Variants in SUPT3H observed in about 807,000 individuals in gnomAD.
SUPT3H encodes transcription initiation protein SPT3 homolog.
In SUPT3H, 44 loss-of-function variants were observed where a neutral mutation model predicts 44.3. That is an observed-to-expected ratio of 0.99 (90% CI 0.78 to 1.28). The LOEUF (loss-of-function observed/expected upper bound fraction) is 1.28, where lower values mean the gene tolerates loss of function less well. Among genes scored for constraint, SUPT3H ranks in the 50% most tolerant of loss-of-function variants. The probability of loss-of-function intolerance (pLI) is 0.00; values close to 1 mark genes in which losing one functional copy is unlikely to be tolerated. For synonymous variants in SUPT3H, 124 were observed against 125.6 expected (o/e 0.99, Z 0.09); for missense variants, 380 against 387.1 (o/e 0.98, Z 0.15).
intron 2 of SUPT3H, among the ~76,000 whole-genome samples, chr6:45,178,701 T>C (rs1812506301): frequency 6.6e-6 from 1 of 151,878 alleles, no homozygotes; most frequent in Admixed American, 6.6e-5. Context: ...AGAACAGAAA[T>C]TATAACAAAC....
At chr6:45,192,692 G>A (rs970426793) in intron 2 of SUPT3H, among the ~76,000 whole-genome samples, 2 of 151,830 alleles carry the variant, frequency 1.3e-5, no homozygotes, top group Non-Finnish European at 2.9e-5. Flanking sequence ...TTAATATTTC[G>A]AATCAAAGCA....
At chr6:45,068,992 A>T (rs1362076420) in intron 3 of SUPT3H, among the ~76,000 whole-genome samples, 4 of 150,716 alleles carry the variant, frequency 2.7e-5, no homozygotes, top group Admixed American at 6.6e-5. Context: ...AAAAAAAAAT[A>T]AAAAAAATAA....
At chr6:45,051,505 A>G (rs1322657819) in intron 3 of SUPT3H, among the ~76,000 whole-genome samples, 2 of 150,984 alleles carry the variant, frequency 1.3e-5, no homozygotes, top group Non-Finnish European at 3.0e-5. Context: ...TATTAAATAT[A>G]TATTTATCAA....
chr6:44,960,355 G>A (rs1454036791), intron 7 of SUPT3H, among the ~76,000 whole-genome samples: 10 of 150,032 alleles, frequency 6.7e-5, no homozygotes, highest in African/African-American at 2.2e-4. Context: ...AGGAGGAGGA[G>A]GCTGCAGTGA....
intron 2 of SUPT3H, among the ~76,000 whole-genome samples, chr6:45,249,547 G>C (rs973059929): frequency 6.6e-6 from 1 of 152,046 alleles, no homozygotes; most frequent in Non-Finnish European, 1.5e-5. Flanking sequence ...CCTAAGCCCA[G>C]GGGGATTAAC....
At chr6:45,196,139 A>G (rs1815976803) in intron 2 of SUPT3H, among the ~76,000 whole-genome samples, 1 of 152,078 alleles carries the variant, frequency 6.6e-6, no homozygotes, top group Non-Finnish European at 1.5e-5. Flanking sequence ...ATCTGACTTT[A>G]TATCTGTGAC....
rs1298352763 is a variant in SUPT3H at position 45,130,707 on chromosome 6, A to G, written c.102-24701T>C. 8.0e-5 allele frequency among the ~76,000 whole-genome samples: 11 copies of G among 136,912 alleles called. No homozygotes were observed. The East Asian group carries it at 1.4e-3, about 17-fold the overall frequency. 89.8% of individuals were successfully genotyped at this position (136,912 alleles called of 152,430 possible). ...GGTAAAAAAAAAAAACAAAAAAAAA[A>G]ACCACTTTTTTTTTTTTTTTTTTTT... is the stretch of plus-strand genomic sequence containing the variant. On this transcript the variant is annotated intron_variant, in intron 2 of 10. Transcript: ENST00000371459.
intron 9 of SUPT3H, among the ~76,000 whole-genome samples, chr6:44,933,218 T>G: frequency 6.6e-6 from 1 of 152,330 alleles, no homozygotes; most frequent in East Asian, 1.9e-4. Context: ...ATGATACATT[T>G]ATTTATCATA....
At position 45,088,121 on chromosome 6, in the gene SUPT3H, G is replaced by A. The variant is rs567810564; in HGVS notation, c.186+17801C>T. 1.3e-4 allele frequency among the ~76,000 whole-genome samples: 20 copies of A among 152,154 alleles called. No homozygotes were observed. The East Asian group carries it at 3.7e-3, about 28-fold the overall frequency. On this transcript the variant is annotated intron_variant, in intron 3 of 10. Coordinates refer to ENST00000371459, the MANE Select transcript of SUPT3H (RefSeq NM_003599.4). ...AATTTAGATCATTCTGCGTCTGCAG[G>A]TTTCTTCTCAGGGACATAAAATCAG... is the stretch of plus-strand genomic sequence containing the variant.
chr6:45,299,967 G>GCA (rs1296064929), intron 2 of SUPT3H, among the ~76,000 whole-genome samples: 7 of 151,236 alleles, frequency 4.6e-5, no homozygotes, highest in South Asian at 2.1e-4. Flanking sequence ...ATATATGTGT[G>GCA]CACACACACA....
intron 1 of SUPT3H, among the ~76,000 whole-genome samples, chr6:45,370,665 T>G (rs1795907631): frequency 6.6e-6 from 1 of 152,114 alleles, no homozygotes; most frequent in Non-Finnish European, 1.5e-5. Context: ...CTAAAAAAAA[T>G]CTGAATTGAA....
chr6:44,890,176 T>G (rs1258520411), intron 10 of SUPT3H, among the ~76,000 whole-genome samples: 1 of 149,696 alleles, frequency 6.7e-6, no homozygotes, highest in East Asian at 2.0e-4. Context: ...GTAAACTGGT[T>G]CAACCATTGT....
intron 10 of SUPT3H, among the ~76,000 whole-genome samples, chr6:44,879,387 C>T (rs1312554415): frequency 1.3e-5 from 2 of 152,220 alleles, no homozygotes; most frequent in Non-Finnish European, 2.9e-5. Context: ...TTCCTCCTCT[C>T]TGGGCAGGGC....
At chr6:45,219,076 C>T (rs1765563691) in intron 2 of SUPT3H, among the ~76,000 whole-genome samples, 1 of 151,922 alleles carries the variant, frequency 6.6e-6, no homozygotes, top group Non-Finnish European at 1.5e-5. Flanking sequence ...AAAGACAACA[C>T]ACCAAAATAT....
At chr6:45,050,312 A>AGTGTGTGTGTGTGTGTGTGT (rs1790084526) in intron 3 of SUPT3H, among the ~76,000 whole-genome samples, 1 of 60,054 alleles carries the variant, frequency 1.7e-5, no homozygotes, top group Non-Finnish European at 3.5e-5. Flanking sequence ...TGTGTGTGTA[A>AGTGTGTGTGTGTGTGTGTGT]AAAGAAGATA....
intron 10 of SUPT3H, among the ~76,000 whole-genome samples, chr6:44,919,663 T>C (rs573759671): frequency 6.6e-6 from 1 of 152,268 alleles, no homozygotes; most frequent in South Asian, 2.1e-4. Context: ...AAACTTGCTA[T>C]TTTTTTATTC....
At chr6:45,263,092 T>C (rs1225403180) in intron 2 of SUPT3H, among the ~76,000 whole-genome samples, 1 of 152,038 alleles carries the variant, frequency 6.6e-6, no homozygotes, top group Non-Finnish European at 1.5e-5. Context: ...TCGAAGAAGT[T>C]AAAACAGAAC....
Position 44,967,234 on chromosome 6 carries a change from A to G in SUPT3H, c.505-5406T>C, listed in dbSNP as rs1267866083. 3.3e-5 allele frequency among the ~76,000 whole-genome samples: 5 copies of G among 152,332 alleles called. No homozygotes were observed. The East Asian group carries it at 9.6e-4, about 29-fold the overall frequency. ...ATTGAAATAGCTTTTTAAAAAGGTA[A>G]AACAGAATAGTTGGTGACTAGTTGC... On this transcript the variant is annotated intron_variant, in intron 6 of 10. Coordinates refer to ENST00000371459, the MANE Select transcript of SUPT3H (RefSeq NM_003599.4).
At chr6:44,903,512 C>G (rs1417191298) in intron 10 of SUPT3H, among the ~76,000 whole-genome samples, 7 of 152,262 alleles carry the variant, frequency 4.6e-5, no homozygotes, top group South Asian at 2.1e-4. Context: ...AGACCAATAA[C>G]AGGCTCTGAA....
Sources: allele counts gnomAD v4.1 joint callset (sites outside exome capture counted in the v4.1 genomes callset), GRCh38; gene constraint gnomAD v4.1.1; transcripts MANE v1.5; gene names NCBI Gene and HGNC (gene_info 2026-07-23, HGNC 2026-07-21).